PRKG1: variants seen among roughly 807,000 people sequenced by gnomAD.
PRKG1 encodes cGMP-dependent protein kinase 1.
In PRKG1, 35 loss-of-function variants were observed where a neutral mutation model predicts 88.1. That is an observed-to-expected ratio of 0.40 (90% CI 0.30 to 0.53). PRKG1 has a LOEUF of 0.53. Among genes scored for constraint, PRKG1 ranks in the 20% least tolerant of loss-of-function variants. The probability of loss-of-function intolerance (pLI) is 0.59; values close to 1 mark genes in which losing one functional copy is unlikely to be tolerated. For missense variants in PRKG1, 540 were observed against 839.8 expected, an observed-to-expected ratio of 0.64 and a Z score of 4.41; for synonymous variants, 303 against 292.5, an observed-to-expected ratio of 1.04 and a Z score of -0.37.
chr10:51,717,883 A>G (rs1841924145), intron 3 of PRKG1, among the ~76,000 whole-genome samples: 1 of 151,986 alleles, frequency 6.6e-6, no homozygotes, highest in Non-Finnish European at 1.5e-5. Context: ...CACAGACAGC[A>G]CATTACAAGT....
chr10:52,038,233 AG>A, intron 5 of PRKG1, among the ~76,000 whole-genome samples: 1 of 152,054 alleles, frequency 6.6e-6, no homozygotes, highest in African/African-American at 2.4e-5. Flanking sequence ...GAAGGGTGGA[AG>A]GTTGCCTATA....
chr10:51,141,325 TCTC>T (rs1564615728), intron 1 of PRKG1, among the ~76,000 whole-genome samples: 1 of 152,206 alleles, frequency 6.6e-6, no homozygotes, highest in Non-Finnish European at 1.5e-5. Flanking sequence ...CTTTATTGCT[TCTC>T]TGTTTCTTTT....
intron 2 of PRKG1, among the ~76,000 whole-genome samples, chr10:51,450,351 C>T (rs666823): frequency 0.42 from 64,172 of 151,408 alleles, 15,945 homozygotes; most frequent in African/African-American, 0.68. Flanking sequence ...ATGTTTTCAT[C>T]TTTTATAATT....
intron 1 of PRKG1, among the ~76,000 whole-genome samples, chr10:51,099,808 T>C (rs981118619): frequency 1.2e-4 from 18 of 152,220 alleles, no homozygotes; most frequent in African/African-American, 4.1e-4. Flanking sequence ...GATCATACAC[T>C]TTGCTGTGAG....
chr10:51,303,309 G>A (rs1228716207), intron 2 of PRKG1, among the ~76,000 whole-genome samples: 1 of 151,814 alleles, frequency 6.6e-6, no homozygotes, highest in African/African-American at 2.4e-5. Context: ...TGTTTTACAT[G>A]GCACTACCAC....
chr10:52,104,967 G>A (rs1332521853), intron 7 of PRKG1, among the ~76,000 whole-genome samples: 1 of 152,156 alleles, frequency 6.6e-6, no homozygotes, highest in Non-Finnish European at 1.5e-5. Context: ...TTGACTAGAG[G>A]TGGGATTTGC....
Position 51,858,301 on chromosome 10 carries a change from A to AAT in PRKG1, c.699-49197_699-49196dup, listed in dbSNP as rs1491408189. Among the ~76,000 whole-genome samples, 34 of 15,152 alleles carry AAT rather than the reference A, an allele frequency of 2.2e-3. 12 individuals carry two copies. Among genetic ancestry groups the AAT allele is most frequent in the African/African-American group, 7.6e-3 (29 of 3,794 alleles). 9.9% of individuals were successfully genotyped at this position (15,152 alleles called of 152,430 possible). The stretch of plus-strand genomic sequence containing the variant: ...CATATGTATAATTATACATATGTAT[A>AAT]ATATATATATGTATAATATGTATTA... On this transcript the variant is annotated intron_variant, in intron 4 of 17. Coordinates refer to ENST00000373980, the MANE Select transcript of PRKG1 (RefSeq NM_006258.4).
intron 3 of PRKG1, among the ~76,000 whole-genome samples, chr10:51,761,755 C>A (rs900092557): frequency 6.6e-6 from 1 of 152,026 alleles, no homozygotes; most frequent in African/African-American, 2.4e-5. Context: ...GGCATGGGAA[C>A]TATTTTGTTT....
intron 3 of PRKG1, among the ~76,000 whole-genome samples, chr10:51,594,261 C>T (rs1446225344): frequency 6.6e-6 from 1 of 152,078 alleles, no homozygotes; most frequent in African/African-American, 2.4e-5. Context: ...CTCCTGGCCA[C>T]AATTCATCTT....
chr10:52,133,339 A>T (rs1039478528), intron 7 of PRKG1, among the ~76,000 whole-genome samples: 1 of 152,148 alleles, frequency 6.6e-6, no homozygotes, highest in Non-Finnish European at 1.5e-5. Context: ...ATGAATGACT[A>T]TGTGCCATAA....
intron 2 of PRKG1, among the ~76,000 whole-genome samples, chr10:51,390,580 G>C (rs1837369958): frequency 6.6e-6 from 1 of 152,158 alleles, no homozygotes; most frequent in South Asian, 2.1e-4. Flanking sequence ...ATAATACTTA[G>C]TCTATCAACA....
chr10:51,293,732 G>C (rs180687414), intron 2 of PRKG1, among the ~76,000 whole-genome samples: 114 of 152,128 alleles, frequency 7.5e-4, no homozygotes, highest in African/African-American at 2.5e-3. Flanking sequence ...TGGGGTGGGG[G>C]ATACCTAGAA....
intron 3 of PRKG1, among the ~76,000 whole-genome samples, chr10:51,751,621 A>T (rs1181249796): frequency 2.6e-5 from 4 of 152,170 alleles, no homozygotes; most frequent in Admixed American, 1.3e-4. Context: ...TAATTATTTT[A>T]TTGTCTATCT....
chr10:51,858,828 G>A (rs765864689), intron 4 of PRKG1, among the ~76,000 whole-genome samples: 1 of 152,036 alleles, frequency 6.6e-6, no homozygotes, highest in Admixed American at 6.6e-5. Flanking sequence ...TTCCCATTAT[G>A]CCTTAAACAC....
At chr10:51,924,150 T>C (rs1842522607) in intron 5 of PRKG1, among the ~76,000 whole-genome samples, 1 of 152,110 alleles carries the variant, frequency 6.6e-6, no homozygotes, top group African/African-American at 2.4e-5. Context: ...TTATTTTTTG[T>C]ATGTCTGAGT....
intron 5 of PRKG1, among the ~76,000 whole-genome samples, chr10:51,968,442 A>G (rs540793486): frequency 1.3e-5 from 2 of 152,196 alleles, no homozygotes; most frequent in East Asian, 3.9e-4. Flanking sequence ...TGTGAAAATG[A>G]TCATTTCAGA....
At chr10:51,201,297 C>T (rs558301301) in intron 2 of PRKG1, among the ~76,000 whole-genome samples, 2 of 152,002 alleles carry the variant, frequency 1.3e-5, no homozygotes, top group African/African-American at 2.4e-5. Context: ...ACTACAAATA[C>T]ATAAGTTAGC....
chr10:51,849,235 G>A (rs1231583142), intron 4 of PRKG1, among the ~76,000 whole-genome samples: 1 of 152,010 alleles, frequency 6.6e-6, no homozygotes, highest in Non-Finnish European at 1.5e-5. Context: ...AAAGAACATC[G>A]TTCTTGGAGC....
At chr10:51,311,875 T>A (rs894367298) in intron 2 of PRKG1, among the ~76,000 whole-genome samples, 2 of 150,862 alleles carry the variant, frequency 1.3e-5, no homozygotes, top group Non-Finnish European at 3.0e-5. Flanking sequence ...CTTTCTGTTA[T>A]TTTTTTTTCG....
Sources: gnomAD v4.1 joint callset for allele counts (sites outside exome capture counted in the v4.1 genomes callset) on GRCh38, gnomAD v4.1.1 for gene constraint, MANE v1.5 for transcripts, NCBI Gene and HGNC (gene_info 2026-07-23, HGNC 2026-07-21) for gene names.